SLC25A33: variants seen among roughly 807,000 people sequenced by gnomAD.
SLC25A33 encodes bone marrow stromal cell mitochondrial carrier protein.
A neutral mutation model predicts 35.5 loss-of-function variants in SLC25A33; 15 were observed. The ratio of observed to expected loss-of-function variants is 0.42; its 90% confidence interval spans 0.28 to 0.65. SLC25A33 has a LOEUF of 0.65. Among genes scored for constraint, SLC25A33 ranks in the 30% least tolerant of loss-of-function variants. The probability of loss-of-function intolerance (pLI) is 0.20; values close to 1 mark genes in which losing one functional copy is unlikely to be tolerated. For missense variants in SLC25A33, 257 were observed against 398.5 expected, an observed-to-expected ratio of 0.64 and a Z score of 3.02; for synonymous variants, 136 against 148.7, an observed-to-expected ratio of 0.91 and a Z score of 0.62.
intron 1 of SLC25A33, 57 bp downstream of exon 1, chr1:9,539,804 GC>G: frequency 7.9e-7 from 1 of 1,273,682 alleles, no homozygotes; most frequent in South Asian, 2.5e-5. Flanking sequence ...CTCGGCCTTC[GC>G]CCCGGGCGCG....
chr1:9,543,565 T>C (rs2100366071), intron 1 of SLC25A33, among the ~76,000 whole-genome samples: 1 of 152,290 alleles, frequency 6.6e-6, no homozygotes, highest in East Asian at 1.9e-4. Context: ...ATTTGCCCCA[T>C]CAAATAGCAT....
At chr1:9,552,616 T>C (rs1643281724) in intron 1 of SLC25A33, among the ~76,000 whole-genome samples, 1 of 152,190 alleles carries the variant, frequency 6.6e-6, no homozygotes, top group East Asian at 1.9e-4. Context: ...GAATGAACTA[T>C]TTTGTTTGAA....
chr1:9,539,948 C>T (rs532712458), intron 1 of SLC25A33, among the ~76,000 whole-genome samples: 161 of 152,272 alleles, frequency 1.1e-3, no homozygotes, highest in African/African-American at 3.6e-3. Context: ...CCCCTACGTC[C>T]TGACCGCAGC....
intron 5 of SLC25A33, chr1:9,576,689 G>A (rs891794082): frequency 5.8e-5 from 38 of 657,926 alleles, no homozygotes; most frequent in South Asian, 4.2e-4. Flanking sequence ...TACAAGATGA[G>A]GTCTGCGTAT....
chr1:9,577,475 T>G (rs1643677149), intron 5 of SLC25A33, among the ~76,000 whole-genome samples: 1 of 151,764 alleles, frequency 6.6e-6, no homozygotes, highest in South Asian at 2.1e-4. Flanking sequence ...TAAGACTCCA[T>G]CTCAAAAAAA....
Position 9,553,679 on chromosome 1 carries a change from C to T in SLC25A33, c.110C>T (p.Thr37Ile), listed in dbSNP as rs1349380310. Residue 37 changes from threonine (T) to isoleucine (I), a missense_variant, in exon 2 of 7, where the codon ACA becomes ATA. Physicochemically the swap from Thr to Ile is moderately conservative, Grantham distance 89. Coordinates refer to ENST00000302692, the MANE Select transcript of SLC25A33 (RefSeq NM_032315.3). Reference protein sequence around the residue: ...IFTCPLEVIKTRLQSSRLALR... With the variant: ...IFTCPLEVIKIRLQSSRLALR... ...ACTTGTCCACTAGAAGTCATTAAGA[C>T]ACGGTTGCAGTCTTCAAGATTAGCT... 1 of 1,614,134 alleles carries T rather than the reference C, an allele frequency of 6.2e-7. No homozygotes were observed. Among genetic ancestry groups the T allele is most frequent in the Non-Finnish European group, 8.5e-7 (1 of 1,180,036 alleles).
intron 1 of SLC25A33, among the ~76,000 whole-genome samples, chr1:9,551,870 G>A (rs1391673198): frequency 6.6e-6 from 1 of 152,154 alleles, no homozygotes; most frequent in African/African-American, 2.4e-5. Context: ...ATTATAGAGC[G>A]ATGTTTTCCA....
chr1:9,550,011 A>ATATATATATATATT (rs754618497), intron 1 of SLC25A33, among the ~76,000 whole-genome samples: 3 of 48,864 alleles, frequency 6.1e-5, no homozygotes, highest in African/African-American at 2.3e-4. Flanking sequence ...ATATATATAT[A>ATATATATATATATT]TTTTTTTTTT....
intron 1 of SLC25A33, among the ~76,000 whole-genome samples, chr1:9,545,969 C>T (rs993306265): frequency 1.5e-4 from 22 of 150,980 alleles, no homozygotes; most frequent in African/African-American, 5.3e-4. Flanking sequence ...TCTAAAAAAA[C>T]AGAAAAGGAA....
At chr1:9,543,372 G>T (rs1643122842) in intron 1 of SLC25A33, among the ~76,000 whole-genome samples, 1 of 152,126 alleles carries the variant, frequency 6.6e-6, no homozygotes, top group Non-Finnish European at 1.5e-5. Flanking sequence ...TCGAACTCCT[G>T]CCCTCAGGTG....
At chr1:9,553,221 T>TTGG (rs1643293475) in intron 1 of SLC25A33, among the ~76,000 whole-genome samples, 1 of 138,300 alleles carries the variant, frequency 7.2e-6, no homozygotes, top group African/African-American at 2.7e-5. Context: ...TTTTTTTTTT[T>TTGG]TTTTTTGGGT....
intron 5 of SLC25A33, among the ~76,000 whole-genome samples, chr1:9,575,167 C>T (rs982942044): frequency 7.2e-6 from 1 of 139,526 alleles, no homozygotes; most frequent in African/African-American, 2.7e-5. Context: ...GCGCCAAGAT[C>T]GTGCCACTGC....
At chr1:9,573,510 G>A in intron 5 of SLC25A33, 98 bp downstream of exon 5, 1 of 967,526 alleles carries the variant, frequency 1.0e-6, no homozygotes, top group Non-Finnish European at 1.6e-6. Flanking sequence ...ATATAGAGAT[G>A]TACCCCCCTC....
In SLC25A33 at chr1:9,573,391, C is replaced by T; in HGVS notation, c.461C>T (p.Thr154Ile). The change falls in exon 5 of 7, where the codon ACC becomes ATC. Residue 154 changes from threonine (T) to isoleucine (I), a missense_variant. Transcript: ENST00000302692. ...SLMNPIWMVK[T>I]RMQLEQKVRG... Reference sequence around the variant, plus strand: ...ATGAATCCTATATGGATGGTTAAAACCCGAATGCAGCTAGAACAGAAGTAA... The same window carrying T: ...ATGAATCCTATATGGATGGTTAAAATCCGAATGCAGCTAGAACAGAAGTAA... 1.9e-6 allele frequency: 3 copies of T among 1,611,016 alleles called. No homozygotes were observed. Among genetic ancestry groups the T allele is most frequent in the Non-Finnish European group, 2.5e-6 (3 of 1,178,592 alleles).
chr1:9,567,032 A>AG (rs944018245), intron 2 of SLC25A33, among the ~76,000 whole-genome samples: 7 of 152,036 alleles, frequency 4.6e-5, no homozygotes, highest in Non-Finnish European at 7.4e-5. Context: ...CATCTCAAAA[A>AG]GAAAAAAAAA....
chr1:9,544,691 T>C (rs1043619234), intron 1 of SLC25A33, among the ~76,000 whole-genome samples: 59 of 152,140 alleles, frequency 3.9e-4, no homozygotes, highest in African/African-American at 1.4e-3. Flanking sequence ...CTCCAAAGAT[T>C]AGGATTGCAG....
At chr1:9,542,133 A>G (rs987537129) in intron 1 of SLC25A33, among the ~76,000 whole-genome samples, 4 of 152,136 alleles carry the variant, frequency 2.6e-5, no homozygotes, top group Non-Finnish European at 4.4e-5. Flanking sequence ...TTGTATTCCA[A>G]ACCAGGAGAG....
At chr1:9,544,314 G>T (rs1238338956) in intron 1 of SLC25A33, among the ~76,000 whole-genome samples, 1 of 150,532 alleles carries the variant, frequency 6.6e-6, no homozygotes, top group Admixed American at 6.6e-5. Context: ...TGTAGCCCAG[G>T]CTGGAGTGCA....
intron 2 of SLC25A33, among the ~76,000 whole-genome samples, chr1:9,559,797 C>A (rs1643395141): frequency 6.6e-6 from 1 of 152,122 alleles, no homozygotes; most frequent in Non-Finnish European, 1.5e-5. Flanking sequence ...CTTTCTGTTT[C>A]TTCATTAACC....
Sources: allele counts gnomAD v4.1 joint callset (sites outside exome capture counted in the v4.1 genomes callset), GRCh38; gene constraint gnomAD v4.1.1; transcripts MANE v1.5; gene names NCBI Gene and HGNC (gene_info 2026-07-23, HGNC 2026-07-21).